Variants in OPCML observed in about 807,000 individuals in gnomAD.
OPCML encodes opioid-binding protein/cell adhesion molecule.
In OPCML, 13 loss-of-function variants were observed where a neutral mutation model predicts 37.8. The observed-to-expected ratio is 0.34, with a 90% confidence interval of 0.22 to 0.55. The LOEUF (loss-of-function observed/expected upper bound fraction) is 0.55, where lower values mean the gene tolerates loss of function less well. Among genes scored for constraint, OPCML ranks in the 20% least tolerant of loss-of-function variants. The pLI, the probability that OPCML is intolerant of heterozygous loss-of-function variation, is 0.91. For missense variants in OPCML, 341 were observed against 435.6 expected (o/e 0.78, Z 1.93); for synonymous variants, 176 against 168.8 (o/e 1.04, Z -0.33).
chr11:133,218,102 G>T (rs551315801), intron 1 of OPCML, among the ~76,000 whole-genome samples: 3 of 151,724 alleles, frequency 2.0e-5, no homozygotes, highest in Middle Eastern at 6.8e-3. Flanking sequence ...GCTTCACGCC[G>T]GGGTTTTGTG....
intron 1 of OPCML, among the ~76,000 whole-genome samples, chr11:133,220,974 A>AT (rs954349331): frequency 1.4e-4 from 22 of 152,152 alleles, no homozygotes; most frequent in African/African-American, 4.8e-4. Flanking sequence ...TGGCCCTTCC[A>AT]TTTTTTGTCG....
intron 1 of OPCML, among the ~76,000 whole-genome samples, chr11:133,148,136 A>G (rs1949923974): frequency 6.6e-6 from 1 of 152,140 alleles, no homozygotes; most frequent in Middle Eastern, 3.2e-3. Flanking sequence ...CTAAACTCCT[A>G]TAGAATCCAG....
At chr11:133,092,207 C>T (rs978376229) in intron 1 of OPCML, among the ~76,000 whole-genome samples, 1 of 152,204 alleles carries the variant, frequency 6.6e-6, no homozygotes, top group South Asian at 2.1e-4. Flanking sequence ...CAGACACCAA[C>T]CTCTCGGCAC....
intron 2 of OPCML, among the ~76,000 whole-genome samples, chr11:132,732,911 A>G (rs912873045): frequency 1.3e-5 from 2 of 152,152 alleles, no homozygotes; most frequent in African/African-American, 4.8e-5. Context: ...CTTAGGAGGA[A>G]AGGACACAGA....
At chr11:133,508,047 C>A (rs1948073236) in intron 1 of OPCML, among the ~76,000 whole-genome samples, 1 of 152,046 alleles carries the variant, frequency 6.6e-6, no homozygotes, top group Non-Finnish European at 1.5e-5. Flanking sequence ...GGAAGCTTTT[C>A]AAAAATATTA....
At chr11:132,626,869 GAC>G (rs140578320) in intron 3 of OPCML, among the ~76,000 whole-genome samples, 27,974 of 145,080 alleles carry the variant, frequency 0.19, 2,693 homozygotes, top group Middle Eastern at 0.24. Flanking sequence ...TATATATATA[GAC>G]ACACACATAC....
chr11:132,798,589 C>T lies in OPCML; in HGVS notation c.147-141270G>A, dbSNP rs147041544. Among the ~76,000 whole-genome samples the T allele has an allele frequency of 1.9e-4, 29 of 152,360 alleles. 1 individual carries two copies. The East Asian group carries it at 5.2e-3, about 27-fold the overall frequency. On this transcript the variant is annotated intron_variant, in intron 2 of 7. Transcript: ENST00000524381. The stretch of plus-strand genomic sequence containing the variant: ...TTCTAGTTCTCTTGCTGTTTCAGCA[C>T]ATTTGCAGTTACTTTCTCCATTGAA...
chr11:132,797,075 A>G (rs1938366778), intron 2 of OPCML, among the ~76,000 whole-genome samples: 1 of 152,160 alleles, frequency 6.6e-6, no homozygotes, highest in African/African-American at 2.4e-5. Flanking sequence ...CACCTTTTTA[A>G]TAGTTGTCCT....
intron 1 of OPCML, among the ~76,000 whole-genome samples, chr11:132,964,811 T>A (rs1197976915): frequency 6.6e-6 from 1 of 152,148 alleles, no homozygotes; most frequent in African/African-American, 2.4e-5. Context: ...CGTTCCTTTA[T>A]GAAGGCCAGA....
chr11:133,511,087 G>T, intron 1 of OPCML, among the ~76,000 whole-genome samples: 1 of 152,124 alleles, frequency 6.6e-6, no homozygotes, highest in Non-Finnish European at 1.5e-5. Flanking sequence ...ACGGATCAAA[G>T]AATTTGGAGT....
chr11:132,572,405 A>G (rs890378342), intron 3 of OPCML, among the ~76,000 whole-genome samples: 1 of 152,026 alleles, frequency 6.6e-6, no homozygotes, highest in African/African-American at 2.4e-5. Context: ...TTAAGTCTTT[A>G]AACCATTTTG....
At chr11:133,462,234 A>C (rs1946876611) in intron 1 of OPCML, among the ~76,000 whole-genome samples, 1 of 152,052 alleles carries the variant, frequency 6.6e-6, no homozygotes, top group South Asian at 2.1e-4. Context: ...AAAACTATAA[A>C]AATCTTAGAG....
At chr11:133,253,004 G>A (rs945243531) in intron 1 of OPCML, among the ~76,000 whole-genome samples, 7 of 152,050 alleles carry the variant, frequency 4.6e-5, no homozygotes, top group African/African-American at 1.7e-4. Flanking sequence ...AAATTAGCTG[G>A]GCGTGGTGGT....
intron 1 of OPCML, among the ~76,000 whole-genome samples, chr11:133,243,530 G>A (rs1940808449): frequency 6.6e-6 from 1 of 152,164 alleles, no homozygotes; most frequent in Admixed American, 6.5e-5. Context: ...GCTGCAGAGG[G>A]GACCAGGCAT....
At chr11:133,164,515 T>C (rs1950184057) in intron 1 of OPCML, among the ~76,000 whole-genome samples, 1 of 152,204 alleles carries the variant, frequency 6.6e-6, no homozygotes, top group Non-Finnish European at 1.5e-5. Context: ...GTCAGAATGA[T>C]AGATTCAGGT....
chr11:133,328,581 G>C (rs1255767711), intron 1 of OPCML, among the ~76,000 whole-genome samples: 1 of 152,288 alleles, frequency 6.6e-6, no homozygotes, highest in African/African-American at 2.4e-5. Flanking sequence ...GTTACCAAGT[G>C]CTGGGCACTT....
At chr11:133,032,291 T>A (rs1245756363) in intron 1 of OPCML, among the ~76,000 whole-genome samples, 1 of 152,108 alleles carries the variant, frequency 6.6e-6, no homozygotes, top group Non-Finnish European at 1.5e-5. Flanking sequence ...CCCTCACTTG[T>A]CCCCTTACAT....
At chr11:132,685,188 A>C (rs1943113111) in intron 2 of OPCML, among the ~76,000 whole-genome samples, 1 of 152,210 alleles carries the variant, frequency 6.6e-6, no homozygotes, top group South Asian at 2.1e-4. Context: ...CCAATAGTCT[A>C]TTGCAATAGA....
At chr11:132,665,790 C>A (rs2135800023) in intron 2 of OPCML, among the ~76,000 whole-genome samples, 1 of 152,156 alleles carries the variant, frequency 6.6e-6, no homozygotes, top group African/African-American at 2.4e-5. Context: ...AAGAGGTAGG[C>A]AAGGTTGAAA....
Sources: gnomAD v4.1 joint callset for allele counts (sites outside exome capture counted in the v4.1 genomes callset) on GRCh38, gnomAD v4.1.1 for gene constraint, MANE v1.5 for transcripts, NCBI Gene and HGNC (gene_info 2026-07-23, HGNC 2026-07-21) for gene names.